The following EXD3 variants were observed in gnomAD, a reference collection of about 807,000 sequenced individuals.
The protein encoded by EXD3 is exonuclease 3'-5' domain containing 3.
In EXD3, 92 loss-of-function variants were observed where a neutral mutation model predicts 98.0. The observed-to-expected ratio is 0.94, with a 90% CI of 0.79 to 1.12. EXD3 has a LOEUF of 1.12. Among genes scored for constraint, EXD3 ranks in the 50% most tolerant of loss-of-function variants. The pLI, the probability that EXD3 is intolerant of heterozygous loss-of-function variation, is 0.00. For synonymous variants in EXD3, 569 were observed against 526.0 expected (o/e 1.08, Z -1.12); for missense variants, 1,222 against 1,191.6 (o/e 1.03, Z -0.38).
intron 17 of EXD3, among the ~76,000 whole-genome samples, chr9:137,330,272 C>G (rs1207907971): frequency 7.5e-6 from 1 of 132,984 alleles, no homozygotes; most frequent in Non-Finnish European, 1.5e-5. Flanking sequence ...AGGAGCTACA[C>G]AGGAACTACA....
chr9:137,379,214 T>C (rs370743690), intron 3 of EXD3, among the ~76,000 whole-genome samples: 37 of 57,918 alleles, frequency 6.4e-4, no homozygotes, highest in South Asian at 1.2e-3. Flanking sequence ...GTACGGGGTT[T>C]GTGGGTGACG....
At chr9:137,355,440 G>A (rs866447597) in intron 8 of EXD3, among the ~76,000 whole-genome samples, 8 of 86,162 alleles carry the variant, frequency 9.3e-5, no homozygotes, top group Non-Finnish European at 1.4e-4. Flanking sequence ...GAGGATGGAG[G>A]AAGGGAGGAT....
intron 7 of EXD3, among the ~76,000 whole-genome samples, chr9:137,358,494 T>A (rs970730439): frequency 5.3e-5 from 8 of 152,274 alleles, no homozygotes; most frequent in Middle Eastern, 3.4e-3. Context: ...GCCAACTGGC[T>A]CCTTGCATTT....
At chr9:137,417,969 C>T (rs1564225766) in intron 1 of EXD3, among the ~76,000 whole-genome samples, 1 of 152,110 alleles carries the variant, frequency 6.6e-6, no homozygotes, top group East Asian at 1.9e-4. Flanking sequence ...GGGTGAGCCT[C>T]GGGGACGCAC....
At chr9:137,412,447 AAACTT>A (rs1442743238) in intron 1 of EXD3, among the ~76,000 whole-genome samples, 25 of 152,380 alleles carry the variant, frequency 1.6e-4, no homozygotes, top group Admixed American at 4.6e-4. Flanking sequence ...GTCTACAAGA[AAACTT>A]AAAAGCCTCC....
intron 8 of EXD3, among the ~76,000 whole-genome samples, chr9:137,355,499 A>AGGAGGAAGGAGGAAGGAGGAC (rs1834630542): frequency 3.6e-5 from 1 of 27,726 alleles, no homozygotes; most frequent in African/African-American, 1.0e-4. Flanking sequence ...GGATGGAGGA[A>AGGAGGAAGGAGGAAGGAGGAC]GGAGGAAGGA....
At chr9:137,355,483 G>T (rs1213812558) in intron 8 of EXD3, among the ~76,000 whole-genome samples, 1 of 111,380 alleles carries the variant, frequency 9.0e-6, no homozygotes, top group Non-Finnish European at 1.8e-5. Flanking sequence ...GAGGAAGGAG[G>T]AAGGAGGATG....
chr9:137,328,038 A>T (rs1011634706), intron 17 of EXD3, among the ~76,000 whole-genome samples: 26 of 140,954 alleles, frequency 1.8e-4, no homozygotes, highest in Middle Eastern at 3.5e-3. Context: ...AGTAAAAACA[A>T]CGAATAAACA....
intron 1 of EXD3, among the ~76,000 whole-genome samples, chr9:137,410,095 G>A (rs1837923708): frequency 6.6e-6 from 1 of 152,148 alleles, no homozygotes; most frequent in South Asian, 2.1e-4. Context: ...AGAATGGTGT[G>A]AACCTGGGAG....
Position 137,373,575 on chromosome 9 carries a change from AC to A in EXD3, c.144del (p.Phe49LeufsTer53). The A allele has an allele frequency of 6.2e-7, 1 of 1,601,606 alleles. No homozygotes were observed. On this transcript the variant is annotated frameshift_variant, in exon 4 of 22. Coordinates refer to ENST00000340951, the MANE Select transcript of EXD3 (RefSeq NM_017820.5). LOFTEE classifies it high-confidence loss of function. Reference sequence around the variant, plus strand: ...GCCAGGGGGTCGTCCAAGGCAGCAAACCCCCGCCAGGCTTCCTCCCGGAGCT... The same window carrying A: ...GCCAGGGGGTCGTCCAAGGCAGCAAACCCCGCCAGGCTTCCTCCCGGAGCT... ...RKQLREEAWR[G>X]FAALDDPLAG... is the part of the protein sequence containing the mutation.
rs754791302 is a variant in EXD3 at position 137,354,378 on chromosome 9, C to T, written c.832-1G>A. On this transcript the variant is annotated splice_acceptor_variant, in intron 9 of 21. Coordinates refer to ENST00000340951, the MANE Select transcript of EXD3 (RefSeq NM_017820.5). LOFTEE classifies it high-confidence loss of function. The stretch of plus-strand genomic sequence containing the variant: ...TCCAGTTCTCCTGTGACAGGCTCTT[C>T]TGCAAAGGCAAACAGGAAGGGGCGG... 2.7e-5 allele frequency: 43 copies of T among 1,612,354 alleles called. No individual in the cohort carries two copies. The highest frequency in any genetic ancestry group is 2.9e-5 in the Non-Finnish European group (34 of 1,179,630).
rs1474707852 is a variant in EXD3, at chr9:137,395,451, C to T, written c.-47-47G>A. On this transcript the variant is annotated intron_variant, in intron 1 of 21. Transcript: ENST00000340951. This position sits in a 1 kb window ranked among gnomAD's most constrained non-coding sequence, Gnocchi z 6.5. ...TGAATGCAGAGCCCACTGCAACAGG[C>T]AGCCATGCAGAGCCCACGCCCACAG... 16 of 1,572,924 alleles carry T rather than the reference C, an allele frequency of 1.0e-5. No homozygotes were observed. Among genetic ancestry groups the T allele is most frequent in the Non-Finnish European group, 1.3e-5 (15 of 1,150,126 alleles).
intron 7 of EXD3, chr9:137,365,889 C>A (rs1343613040): frequency 2.6e-6 from 1 of 385,196 alleles, no homozygotes; most frequent in East Asian, 6.7e-5. Context: ...ACACACACAC[C>A]TGCAGGCACA....
chr9:137,381,376 A>G (rs1588392137), intron 3 of EXD3: 1 of 142,006 alleles, frequency 7.0e-6, no homozygotes, highest in Non-Finnish European at 1.5e-5. Flanking sequence ...AGATTGCACC[A>G]CTGCACTCCA....
At chr9:137,353,938 G>A (rs1366568430) in intron 10 of EXD3, 11 of 1,036,482 alleles carry the variant, frequency 1.1e-5, no homozygotes, top group South Asian at 4.6e-5. Context: ...CAGGACGTCC[G>A]CTGCCCTTCC....
rs1834018393 is a variant in EXD3 at position 137,347,954 on chromosome 9, G to C, written c.1998+117C>G. ...CCGTCCTGTTCCCAGAGCCTGCCTGGCACAGCTGGCAGCCATGGATGAGCT... is the reference window on the plus strand; with the variant it reads ...CCGTCCTGTTCCCAGAGCCTGCCTGCCACAGCTGGCAGCCATGGATGAGCT... On this transcript the variant is annotated intron_variant, in intron 17 of 21. Coordinates refer to ENST00000340951, the MANE Select transcript of EXD3 (RefSeq NM_017820.5). The surrounding 1 kb of genome is among the most constrained non-coding windows in gnomAD (Gnocchi z 4.2). 1 of 1,256,870 alleles carries C rather than the reference G, an allele frequency of 8.0e-7. No individual in the cohort carries two copies. Among genetic ancestry groups the C allele is most frequent in the Non-Finnish European group, 1.1e-6 (1 of 919,706 alleles). 77.9% of individuals were successfully genotyped at this position (1,256,870 alleles called of 1,614,324 possible).
chr9:137,371,421 G>GC lies in EXD3; in HGVS notation c.462+1483_462+1484insG, dbSNP rs1564521376. On this transcript the variant is annotated intron_variant, in intron 5 of 21. Transcript: ENST00000340951. This position sits in a 1 kb window ranked among gnomAD's most constrained non-coding sequence, Gnocchi z 8.0. ...ACAGGGGACACTCCTGTGAGGGCCC[G>GC]GCCAGGGCAGCCCCCGATGCCCGTG... 6.6e-6 allele frequency among the ~76,000 whole-genome samples: 1 copy of GC among 152,086 alleles called. No homozygotes were observed. Among genetic ancestry groups the GC allele is most frequent in the African/African-American group, 2.4e-5 (1 of 41,414 alleles).
Position 137,395,548 on chromosome 9 carries a change from G to A in EXD3, c.-47-144C>T, listed in dbSNP as rs1322542523. 2 of 715,974 alleles carry A rather than the reference G, an allele frequency of 2.8e-6. No individual in the cohort carries two copies. Among genetic ancestry groups the A allele is most frequent in the African/African-American group, 3.6e-5 (2 of 55,878 alleles). The allele number at this position is 715,974 out of a possible 1,614,324, so 44.4% of individuals were successfully genotyped here. On this transcript the variant is annotated intron_variant, in intron 1 of 21. Coordinates refer to ENST00000340951, the MANE Select transcript of EXD3 (RefSeq NM_017820.5). The surrounding 1 kb of genome is among the most constrained non-coding windows in gnomAD (Gnocchi z 6.5). ...GGACCCCCAGTCGCTGAGCATAGCGGGCAGCTCCACACTCCTCTCCCAGCT... is the reference window on the plus strand; with the variant it reads ...GGACCCCCAGTCGCTGAGCATAGCGAGCAGCTCCACACTCCTCTCCCAGCT...
At chr9:137,388,034 A>G (rs999145075) in intron 2 of EXD3, among the ~76,000 whole-genome samples, 2 of 152,232 alleles carry the variant, frequency 1.3e-5, no homozygotes, top group Non-Finnish European at 2.9e-5. Flanking sequence ...GGGTGGGGGC[A>G]GAGCGGGGCA....
Sources: gnomAD v4.1 joint callset for allele counts (sites outside exome capture counted in the v4.1 genomes callset) on GRCh38, gnomAD v4.1.1 for gene constraint, Gnocchi (gnomAD v3.1) non-coding constraint, MANE v1.5 for transcripts, NCBI Gene and HGNC (gene_info 2026-07-23, HGNC 2026-07-21) for gene names.